The following NFIB variants were observed in gnomAD, a reference collection of about 807,000 sequenced individuals.
NFIB encodes the protein nuclear factor 1 B-type.
NFIB carries 11 observed loss-of-function variants against 61.5 expected under a neutral mutation model. That is an observed-to-expected ratio of 0.18 (90% CI 0.11 to 0.30). The LOEUF is 0.30. Ranked by LOEUF, NFIB falls within the 10% of genes least tolerant of loss-of-function variation. NFIB has a pLI of 1.00. For missense variants in NFIB, 471 were observed against 608.9 expected (o/e 0.77, Z 2.38); for synonymous variants, 260 against 216.5 (o/e 1.20, Z -1.76).
intron 2 of NFIB, among the ~76,000 whole-genome samples, chr9:14,246,351 G>C (rs1424162549): frequency 6.6e-6 from 1 of 152,134 alleles, no homozygotes; most frequent in Non-Finnish European, 1.5e-5. Context: ...CTTAGGTACA[G>C]GAAGTCACTA....
the NFIB span, among the ~76,000 whole-genome samples, chr9:14,419,796 A>G: frequency 6.6e-6 from 1 of 152,088 alleles, no homozygotes; most frequent in East Asian, 1.9e-4. Flanking sequence ...TGGCATACAC[A>G]CTGCCCACGC....
At chr9:14,356,356 G>T (rs191755073) in intron 1 of NFIB, among the ~76,000 whole-genome samples, 8 of 152,210 alleles carry the variant, frequency 5.3e-5, no homozygotes, top group Non-Finnish European at 8.8e-5. Context: ...TTTTCCCAGG[G>T]ATGGATACTG....
chr9:14,289,950 T>C (rs954644611), intron 2 of NFIB, among the ~76,000 whole-genome samples: 1 of 152,006 alleles, frequency 6.6e-6, no homozygotes, highest in African/African-American at 2.4e-5. Flanking sequence ...CATAAATAAA[T>C]ACCATCACCT....
chr9:14,477,879 G>C, the NFIB span, among the ~76,000 whole-genome samples: 114 of 152,240 alleles, frequency 7.5e-4, no homozygotes, highest in African/African-American at 2.6e-3. Context: ...GCAAAAAATA[G>C]TTCTTCTACT....
chr9:14,410,114 A>G, the NFIB span, among the ~76,000 whole-genome samples: 2 of 151,902 alleles, frequency 1.3e-5, no homozygotes, highest in South Asian at 4.2e-4. Context: ...AACATTTAAA[A>G]TTCAGCCATG....
the NFIB span, among the ~76,000 whole-genome samples, chr9:14,508,754 C>G: frequency 6.6e-6 from 1 of 152,334 alleles, no homozygotes; most frequent in African/African-American, 2.4e-5. Context: ...ACTCCATAAA[C>G]CAAAAAGCCC....
At chr9:14,245,284 C>G (rs1708797638) in intron 2 of NFIB, among the ~76,000 whole-genome samples, 1 of 152,156 alleles carries the variant, frequency 6.6e-6, no homozygotes, top group Non-Finnish European at 1.5e-5. Context: ...CTCCCTACAT[C>G]CATAATAATA....
At chr9:14,417,772 C>G in the NFIB span, among the ~76,000 whole-genome samples, 1 of 122,656 alleles carries the variant, frequency 8.2e-6, no homozygotes, top group Non-Finnish European at 1.7e-5. Context: ...GGCCTAGGAA[C>G]AGTTTTTTTT....
At chr9:14,236,449 C>T (rs1042671471) in intron 2 of NFIB, among the ~76,000 whole-genome samples, 5 of 152,090 alleles carry the variant, frequency 3.3e-5, no homozygotes, top group Non-Finnish European at 5.9e-5. Context: ...CCACAAATGC[C>T]CTAGAGTCCA....
intron 10 of NFIB, among the ~76,000 whole-genome samples, chr9:14,103,862 C>T (rs1483364696): frequency 6.6e-6 from 1 of 151,502 alleles, no homozygotes; most frequent in East Asian, 1.9e-4. Flanking sequence ...AGATTCTGCT[C>T]AGGATATATG....
the NFIB span, among the ~76,000 whole-genome samples, chr9:14,506,738 A>C: frequency 6.6e-6 from 1 of 152,182 alleles, no homozygotes; most frequent in South Asian, 2.1e-4. Flanking sequence ...TGAATATTTT[A>C]GGTGAATATT....
chr9:14,153,847 T>G (rs1018271010), intron 4 of NFIB, among the ~76,000 whole-genome samples: 2 of 152,162 alleles, frequency 1.3e-5, no homozygotes, highest in Non-Finnish European at 2.9e-5. Flanking sequence ...ACAAAGATTA[T>G]GATGCGGATA....
chr9:14,185,564 C>G (rs182978548), intron 2 of NFIB, among the ~76,000 whole-genome samples: 1 of 152,112 alleles, frequency 6.6e-6, no homozygotes, highest in Admixed American at 6.6e-5. Flanking sequence ...AACAATATGA[C>G]ACGAAGTCTA....
intron 2 of NFIB, among the ~76,000 whole-genome samples, chr9:14,239,493 C>A (rs2054133345): frequency 6.6e-6 from 1 of 152,044 alleles, no homozygotes; most frequent in Non-Finnish European, 1.5e-5. Flanking sequence ...GAAGAAACTA[C>A]CAGTTGTGTA....
At chr9:14,239,043 G>T (rs1414337692) in intron 2 of NFIB, among the ~76,000 whole-genome samples, 1 of 152,192 alleles carries the variant, frequency 6.6e-6, no homozygotes, top group Non-Finnish European at 1.5e-5. Context: ...TTTATAATAG[G>T]AAAAGGAGTT....
chr9:14,448,396 T>G, the NFIB span, among the ~76,000 whole-genome samples: 1 of 152,212 alleles, frequency 6.6e-6, no homozygotes, highest in Non-Finnish European at 1.5e-5. Flanking sequence ...CAAAAAAAAT[T>G]TTTATTTAAA....
chr9:14,190,689 G>T (rs1003415473), intron 2 of NFIB, among the ~76,000 whole-genome samples: 1 of 152,082 alleles, frequency 6.6e-6, no homozygotes, highest in African/African-American at 2.4e-5. Context: ...GCAAAGAAAG[G>T]AACTCAATTA....
intron 1 of NFIB, among the ~76,000 whole-genome samples, chr9:14,328,209 A>G (rs1588315953): frequency 1.3e-5 from 2 of 152,076 alleles, no homozygotes; most frequent in South Asian, 4.1e-4. Flanking sequence ...CAGTGGTGCT[A>G]TCAGGGCTCA....
chr9:14,164,004 G>A (rs561794334), intron 3 of NFIB, among the ~76,000 whole-genome samples: 1 of 151,028 alleles, frequency 6.6e-6, no homozygotes, highest in East Asian at 1.9e-4. Context: ...AAAAGAAAAA[G>A]AAGAAAGAAA....
Sources: allele counts gnomAD v4.1 joint callset (sites outside exome capture counted in the v4.1 genomes callset), GRCh38; gene constraint gnomAD v4.1.1; transcripts MANE v1.5; gene names NCBI Gene and HGNC (gene_info 2026-07-23, HGNC 2026-07-21).